The following UNC5D variants were observed in gnomAD, a reference collection of about 807,000 sequenced individuals.
UNC5D encodes netrin receptor UNC5D.
UNC5D carries 39 observed loss-of-function variants against 105.4 expected under a neutral mutation model. The ratio of observed to expected loss-of-function variants is 0.37; its 90% CI spans 0.29 to 0.48. The LOEUF (loss-of-function observed/expected upper bound fraction) is 0.48, where lower values mean the gene tolerates loss of function less well. Ranked by LOEUF, UNC5D falls within the 20% of genes least tolerant of loss-of-function variation. The pLI, the probability that UNC5D is intolerant of heterozygous loss-of-function variation, is 0.98. For missense variants in UNC5D, 991 were observed against 1,202.4 expected, an observed-to-expected ratio of 0.82 and a Z score of 2.60; for synonymous variants, 452 against 450.4, an observed-to-expected ratio of 1.00 and a Z score of -0.04.
intron 1 of UNC5D, among the ~76,000 whole-genome samples, chr8:35,476,398 AC>A (rs1459377724): frequency 2.0e-5 from 3 of 152,226 alleles, no homozygotes; most frequent in Admixed American, 2.0e-4. Context: ...GAAAATTCTT[AC>A]AAAGTTTTCT....
intron 4 of UNC5D, among the ~76,000 whole-genome samples, chr8:35,602,373 G>A (rs1338713165): frequency 6.6e-6 from 1 of 152,190 alleles, no homozygotes; most frequent in Non-Finnish European, 1.5e-5. Flanking sequence ...CAGAAGGAAT[G>A]GGACCAGCTC....
chr8:35,584,186 AG>A (rs1458035125), intron 3 of UNC5D, among the ~76,000 whole-genome samples: 2 of 152,162 alleles, frequency 1.3e-5, no homozygotes, highest in African/African-American at 4.8e-5. Flanking sequence ...AATTGAAGGT[AG>A]AAGGCACAAA....
At chr8:35,379,129 G>A (rs745603909) in intron 1 of UNC5D, among the ~76,000 whole-genome samples, 1 of 152,158 alleles carries the variant, frequency 6.6e-6, no homozygotes, top group Non-Finnish European at 1.5e-5. Context: ...TAACATTAGA[G>A]TGGTGGTCTC....
At chr8:35,788,698 ACG>A (rs1005359093) in intron 16 of UNC5D, among the ~76,000 whole-genome samples, 32 of 151,646 alleles carry the variant, frequency 2.1e-4, no homozygotes, top group African/African-American at 7.5e-4. Flanking sequence ...AAACACACAC[ACG>A]CACACACACA....
At chr8:35,346,892 G>T (rs563228311) in intron 1 of UNC5D, among the ~76,000 whole-genome samples, 1 of 151,744 alleles carries the variant, frequency 6.6e-6, no homozygotes, top group African/African-American at 2.4e-5. Flanking sequence ...TGGCATTCAC[G>T]TAATGATTTT....
intron 4 of UNC5D, among the ~76,000 whole-genome samples, chr8:35,650,629 A>C (rs7844295): frequency 2.4e-4 from 37 of 152,100 alleles, no homozygotes; most frequent in African/African-American, 8.4e-4. Context: ...CACCATGCCC[A>C]GCTAATTTTT....
intron 16 of UNC5D, among the ~76,000 whole-genome samples, chr8:35,790,091 G>T (rs1056609605): frequency 6.6e-6 from 1 of 152,080 alleles, no homozygotes; most frequent in African/African-American, 2.4e-5. Context: ...TCCAGCCTGG[G>T]TGACAGAGCA....
chr8:35,477,547 T>C (rs1367465765), intron 1 of UNC5D, among the ~76,000 whole-genome samples: 4 of 152,060 alleles, frequency 2.6e-5, no homozygotes, highest in Non-Finnish European at 5.9e-5. Flanking sequence ...TGAATTAGTA[T>C]GTGGAGAAAA....
intron 2 of UNC5D, among the ~76,000 whole-genome samples, chr8:35,557,311 C>T (rs956229233): frequency 4.6e-5 from 7 of 152,082 alleles, no homozygotes; most frequent in East Asian, 1.9e-4. Flanking sequence ...ACTGAACTCG[C>T]GGTGCTTCTG....
chr8:35,396,687 G>A (rs755958405), intron 1 of UNC5D, among the ~76,000 whole-genome samples: 4 of 151,812 alleles, frequency 2.6e-5, no homozygotes, highest in Non-Finnish European at 4.4e-5. Context: ...CAGTAGAGAC[G>A]GGGTTTCACC....
intron 1 of UNC5D, among the ~76,000 whole-genome samples, chr8:35,542,132 G>T (rs1563517558): frequency 6.6e-6 from 1 of 152,186 alleles, no homozygotes; most frequent in South Asian, 2.1e-4. Flanking sequence ...TAGGAAGAAA[G>T]AATAGTTTTC....
At chr8:35,564,933 T>G (rs1464883389) in intron 2 of UNC5D, among the ~76,000 whole-genome samples, 1 of 152,204 alleles carries the variant, frequency 6.6e-6, no homozygotes, top group East Asian at 1.9e-4. Context: ...GATTTCATTG[T>G]TTTTTTGTGG....
intron 14 of UNC5D, among the ~76,000 whole-genome samples, chr8:35,764,804 A>C (rs1260484488): frequency 6.6e-6 from 1 of 152,210 alleles, no homozygotes; most frequent in Non-Finnish European, 1.5e-5. Flanking sequence ...CATTTTCCCC[A>C]GACAATAGCC....
At chr8:35,305,178 A>G (rs1808243590) in intron 1 of UNC5D, among the ~76,000 whole-genome samples, 1 of 152,154 alleles carries the variant, frequency 6.6e-6, no homozygotes, top group South Asian at 2.1e-4. Context: ...TATTTGTTCT[A>G]TGTGACTCCA....
intron 11 of UNC5D, among the ~76,000 whole-genome samples, chr8:35,735,985 T>G (rs778114740): frequency 4.6e-5 from 7 of 152,342 alleles, no homozygotes; most frequent in Middle Eastern, 3.4e-3. Context: ...GTTTTTATGA[T>G]ATGAATCTGT....
intron 9 of UNC5D, among the ~76,000 whole-genome samples, chr8:35,725,144 G>A (rs1279294808): frequency 1.3e-5 from 2 of 152,146 alleles, no homozygotes; most frequent in African/African-American, 4.8e-5. Context: ...GCCAAGAATT[G>A]CAACATTTTC....
At chr8:35,770,955 T>G (rs970112563) in intron 15 of UNC5D, among the ~76,000 whole-genome samples, 6 of 152,200 alleles carry the variant, frequency 3.9e-5, no homozygotes, top group Non-Finnish European at 8.8e-5. Flanking sequence ...CTCTGCATAT[T>G]TAATTTAAAC....
chr8:35,601,463 C>T (rs552774495), intron 4 of UNC5D, among the ~76,000 whole-genome samples: 1 of 152,290 alleles, frequency 6.6e-6, no homozygotes, highest in East Asian at 1.9e-4. Context: ...TTTGTATCCT[C>T]TTTGATTTCA....
At chr8:35,594,928 A>G in intron 3 of UNC5D, among the ~76,000 whole-genome samples, 1 of 152,188 alleles carries the variant, frequency 6.6e-6, no homozygotes, top group African/African-American at 2.4e-5. Context: ...CCTTCCATGA[A>G]GGGCACTACC....
Sources: allele counts gnomAD v4.1 joint callset (sites outside exome capture counted in the v4.1 genomes callset), GRCh38; gene constraint gnomAD v4.1.1; transcripts MANE v1.5; gene names NCBI Gene and HGNC (gene_info 2026-07-23, HGNC 2026-07-21).